Variants in WDPCP observed in about 807,000 individuals in gnomAD.
WDPCP encodes the protein WD repeat-containing and planar cell polarity effector protein fritz homolog.
A neutral mutation model predicts 93.1 loss-of-function variants in WDPCP; 71 were observed. The ratio of observed to expected loss-of-function variants is 0.76; its 90% CI spans 0.63 to 0.93. The LOEUF (loss-of-function observed/expected upper bound fraction) is 0.93. WDPCP is among the 40% of genes least tolerant of loss of function. The pLI, the probability that WDPCP is intolerant of heterozygous loss-of-function variation, is 0.00. For missense variants in WDPCP, 844 were observed against 887.4 expected (o/e 0.95, Z 0.62); for synonymous variants, 315 against 315.0 (o/e 1.00, Z 0.00).
intron 12 of WDPCP, among the ~76,000 whole-genome samples, chr2:63,350,955 T>G (rs1300280846): frequency 6.9e-6 from 1 of 145,258 alleles, no homozygotes; most frequent in Non-Finnish European, 1.5e-5. Context: ...TGTCTCTAAT[T>G]TTATTAAATA....
chr2:63,174,681 G>A lies in WDPCP; in HGVS notation c.2067C>T (p.Gly689=), dbSNP rs1429396178. The A allele has an allele frequency of 6.2e-7, 1 of 1,613,896 alleles. No homozygotes were observed. The highest frequency in any genetic ancestry group is 8.5e-7 in the Non-Finnish European group (1 of 1,179,878). The change falls in exon 15 of 18, where the codon GGC becomes GGT. Residue 689 remains glycine (G), a synonymous_variant. Coordinates refer to ENST00000272321, the MANE Select transcript of WDPCP (RefSeq NM_015910.7). ...RHILQQRILN[G]SSNRQIIDRR... ...TCAACATTTCTTACCTGTTAGAAGA[G>A]CCATTCAGTATTCTTTGTTGTAAAA...
intron 13 of WDPCP, among the ~76,000 whole-genome samples, chr2:63,304,354 G>A (rs895805890): frequency 6.6e-6 from 1 of 152,198 alleles, no homozygotes; most frequent in African/African-American, 2.4e-5. Flanking sequence ...CAGAAGGTGG[G>A]TGATTTCTGC....
At chr2:63,131,408 A>G (rs1208109724) in intron 17 of WDPCP, among the ~76,000 whole-genome samples, 1 of 151,962 alleles carries the variant, frequency 6.6e-6, no homozygotes. Context: ...CACATTTCAA[A>G]TTTATGCAAT....
intron 14 of WDPCP, among the ~76,000 whole-genome samples, chr2:63,255,582 G>T (rs1681066778): frequency 6.6e-6 from 1 of 152,128 alleles, no homozygotes; most frequent in African/African-American, 2.4e-5. Flanking sequence ...CTTACCATGT[G>T]ATATGGCATC....
chr2:63,189,913 A>G (rs922100650), intron 14 of WDPCP, among the ~76,000 whole-genome samples: 1 of 151,990 alleles, frequency 6.6e-6, no homozygotes, highest in African/African-American at 2.4e-5. Flanking sequence ...TCTACCAGTA[A>G]ATGGAGTTCT....
intron 2 of WDPCP, among the ~76,000 whole-genome samples, chr2:63,677,100 A>C (rs1261505707): frequency 6.6e-6 from 1 of 152,230 alleles, no homozygotes; most frequent in African/African-American, 2.4e-5. Flanking sequence ...GTCCAGGCAC[A>C]TGCATATTTT....
At chr2:63,188,505 G>C (rs921451814) in intron 14 of WDPCP, among the ~76,000 whole-genome samples, 1 of 146,494 alleles carries the variant, frequency 6.8e-6, no homozygotes, top group African/African-American at 2.5e-5. Flanking sequence ...GTTTATTTTT[G>C]TTTTTTTTTC....
chr2:63,566,401 G>C (rs1449768457), intron 1 of WDPCP, among the ~76,000 whole-genome samples: 2 of 152,200 alleles, frequency 1.3e-5, no homozygotes, highest in Non-Finnish European at 2.9e-5. Context: ...GCTTCAAGTT[G>C]TCCTGCCTTT....
rs1386673745 is a variant in WDPCP, at chr2:63,809,316, C to T, written n.308+4306G>A. 1.8e-4 allele frequency among the ~76,000 whole-genome samples: 27 copies of T among 151,342 alleles called. No homozygotes were observed. In the South Asian group the frequency reaches 2.7e-3, roughly 15 times the overall value. ...GGGTTCAGCCCCCCGCCCAGCCAGC[C>T]GCCCCGTCCGGGAGGTGAGGGGCGC... On this transcript the variant is annotated intron_variant and non_coding_transcript_variant, in intron 2 of 4. Coordinates refer to the WDPCP transcript ENST00000467687.
At chr2:63,319,807 T>C (rs1043466822) in intron 12 of WDPCP, among the ~76,000 whole-genome samples, 4 of 152,188 alleles carry the variant, frequency 2.6e-5, no homozygotes, top group Admixed American at 2.0e-4. Flanking sequence ...AGAATACACA[T>C]TCTTCTTAAG....
At position 63,404,420 on chromosome 2, in the gene WDPCP, C is replaced by T. The variant is rs1234529209; in HGVS notation, c.1063G>A (p.Gly355Ser). 1 of 1,614,034 alleles carries T rather than the reference C, an allele frequency of 6.2e-7. No homozygotes were observed. The highest frequency in any genetic ancestry group is 1.3e-5 in the African/African-American group (1 of 74,916). ...RNVTEDKLIL[G>S]CEDSSLILYE... Reference sequence around the variant, plus strand: ...AGAATTAGCGAAGAATCTTCACAGCCCAGAATCAGTTTGTCTTCAGTAACA... The same window carrying T: ...AGAATTAGCGAAGAATCTTCACAGCTCAGAATCAGTTTGTCTTCAGTAACA... The change falls in exon 10 of 18, where the codon GGC becomes AGC. Residue 355 changes from glycine (G) to serine (S), a missense_variant. By Grantham distance (56) the Gly-to-Ser change is moderately conservative (BLOSUM62 0). Coordinates refer to ENST00000272321, the MANE Select transcript of WDPCP (RefSeq NM_015910.7).
At chr2:63,413,487 G>A (rs1331198705) in intron 9 of WDPCP, among the ~76,000 whole-genome samples, 4 of 152,006 alleles carry the variant, frequency 2.6e-5, no homozygotes, top group South Asian at 2.1e-4. Context: ...CCAAGAACCC[G>A]AAGTCAAATG....
At chr2:63,467,776 CAAAAAA>C (rs3051717) in intron 6 of WDPCP, among the ~76,000 whole-genome samples, 2 of 87,692 alleles carry the variant, frequency 2.3e-5, no homozygotes, top group Non-Finnish European at 4.3e-5. Context: ...ACTCAGTCTC[CAAAAAA>C]AAAAAAAAAA....
intron 9 of WDPCP, among the ~76,000 whole-genome samples, chr2:63,417,121 T>A (rs187712370): frequency 7.0e-4 from 106 of 152,354 alleles, no homozygotes; most frequent in African/African-American, 2.4e-3. Flanking sequence ...AAATAGCGGC[T>A]ATTATTGTTG....
Position 63,607,762 on chromosome 2 carries a change from G to A in WDPCP, n.488+42897C>T, listed in dbSNP as rs528024917. Among the ~76,000 whole-genome samples, 25 of 150,040 alleles carry A rather than the reference G, an allele frequency of 1.7e-4. 1 individual carries two copies. The South Asian group carries it at 5.3e-3, about 32-fold the overall frequency. On this transcript the variant is annotated intron_variant and non_coding_transcript_variant, in intron 3 of 4. Coordinates refer to the WDPCP transcript ENST00000467687. ...GGAGAATGGCGTGAACCCGGGAGGC[G>A]GAGCTTGCTGTGAGCAGATGGCGCC...
In WDPCP at chr2:63,259,347, T is replaced by C; in HGVS notation, c.1875A>G (p.Arg625=). Residue 625 remains arginine, a synonymous_variant, in exon 14 of 18, where the codon AGA becomes AGG. Transcript: ENST00000272321. ...TTGATTCTGCATCAATGTCACTAGCTCTTTTTCTTGCCACTTCAGCTAGTG... is the reference window on the plus strand; with the variant it reads ...TTGATTCTGCATCAATGTCACTAGCCCTTTTTCTTGCCACTTCAGCTAGTG... ...ELALAEVARK[R]ASDIDAESIT... 6.2e-7 allele frequency: 1 copy of C among 1,612,842 alleles called. No homozygotes were observed. Among genetic ancestry groups the C allele is most frequent in the Non-Finnish European group, 8.5e-7 (1 of 1,179,584 alleles).
chr2:63,290,390 T>C (rs1275972152), intron 13 of WDPCP, among the ~76,000 whole-genome samples: 1 of 152,104 alleles, frequency 6.6e-6, no homozygotes, highest in Non-Finnish European at 1.5e-5. Flanking sequence ...CTGTTATTCA[T>C]TTCTTGTAGA....
chr2:63,274,327 T>C (rs907561171), intron 13 of WDPCP, among the ~76,000 whole-genome samples: 5 of 151,896 alleles, frequency 3.3e-5, no homozygotes, highest in African/African-American at 9.7e-5. Flanking sequence ...CTAAAACCAA[T>C]AGGATACAGC....
rs551365132 is a variant in WDPCP at position 63,486,482 on chromosome 2, T to C, written c.253+60A>G. The C allele has an allele frequency of 4.6e-4, 676 of 1,459,282 alleles. 2 individuals carry two copies. The African/African-American group carries it at 6.9e-3, about 15-fold the overall frequency. 90.4% of individuals were successfully genotyped at this position (1,459,282 alleles called of 1,614,324 possible). ...GTTTCCTCTTTGTTCCAGATGAATA[T>C]TTTATAATACTGAACTTTACAGTTT... On this transcript the variant is annotated intron_variant, in intron 4 of 17. Coordinates refer to ENST00000272321, the MANE Select transcript of WDPCP (RefSeq NM_015910.7).
Sources: gnomAD v4.1 joint callset for allele counts (sites outside exome capture counted in the v4.1 genomes callset) on GRCh38, gnomAD v4.1.1 for gene constraint, MANE v1.5 for transcripts, NCBI Gene and HGNC (gene_info 2026-07-23, HGNC 2026-07-21) for gene names.